Variants in HAT1 observed in about 807,000 individuals in gnomAD.
HAT1 encodes the protein histone acetyltransferase 1.
A neutral mutation model predicts 56.6 loss-of-function variants in HAT1; 20 were observed. The ratio of observed to expected loss-of-function variants is 0.35; its 90% CI spans 0.25 to 0.51. The LOEUF is 0.51. Among genes scored for constraint, HAT1 ranks in the 20% least tolerant of loss-of-function variants. The pLI is 0.95. For missense variants in HAT1, 408 were observed against 504.3 expected (o/e 0.81, Z 1.83); for synonymous variants, 146 against 165.5 (o/e 0.88, Z 0.91).
chr2:171,965,841 T>C lies in HAT1; in HGVS notation c.544T>C (p.Leu182=), dbSNP rs1344562058. 12 of 1,612,092 alleles carry C rather than the reference T, an allele frequency of 7.4e-6. No individual in the cohort carries two copies. The highest frequency in any genetic ancestry group is 1.3e-5 in the African/African-American group (1 of 74,998). ...REYHERLQTF[L]MWFIETASFI... is the part of the protein sequence containing the mutation. The stretch of plus-strand genomic sequence containing the variant: ...ATATCATGAAAGGCTTCAGACCTTT[T>C]TGATGTGGTTTATTGAAACTGCTAG... Residue 182 remains leucine, a synonymous_variant, in exon 6 of 11, where the codon TTG becomes CTG. Coordinates refer to ENST00000264108, the MANE Select transcript of HAT1 (RefSeq NM_003642.4).
chr2:171,924,917 A>C lies in HAT1; in HGVS notation c.8-620A>C, dbSNP rs553507914. 3.9e-5 allele frequency: 6 copies of C among 152,302 alleles called. No homozygotes were observed. The East Asian group carries it at 5.8e-4, about 15-fold the overall frequency. The allele number at this position is 152,302 out of a possible 1,614,324, so 9.4% of individuals were successfully genotyped here. ...TAATGAAAAAGACGACTTAGGTATAAATCCTAGCAGGTAATTTGTATTAGT... is the reference window on the plus strand; with the variant it reads ...TAATGAAAAAGACGACTTAGGTATACATCCTAGCAGGTAATTTGTATTAGT... On this transcript the variant is annotated intron_variant, in intron 1 of 10. Coordinates refer to ENST00000264108, the MANE Select transcript of HAT1 (RefSeq NM_003642.4).
intron 8 of HAT1, among the ~76,000 whole-genome samples, chr2:171,967,525 A>ACGACTTACT (rs565489325): frequency 2.0e-5 from 3 of 152,228 alleles, no homozygotes; most frequent in East Asian, 1.9e-4. Flanking sequence ...AGAAGGAAAG[A>ACGACTTACT]CGACTTACTC....
At chr2:171,983,073 G>T (rs1688172816) in intron 10 of HAT1, 112 bp from the exon 11 acceptor site, 6 of 591,982 alleles carry the variant, frequency 1.0e-5, no homozygotes, top group Admixed American at 3.1e-5. Flanking sequence ...TGTGGGACAA[G>T]TTTGGGCGTA....
At chr2:171,950,584 A>G (rs1574049239) in intron 3 of HAT1, among the ~76,000 whole-genome samples, 1 of 149,296 alleles carries the variant, frequency 6.7e-6, no homozygotes, top group South Asian at 2.1e-4. Context: ...GCTCACTGCA[A>G]CCTCCGCCTC....
chr2:171,961,145 A>T (rs1687564156), intron 4 of HAT1, among the ~76,000 whole-genome samples: 1 of 152,128 alleles, frequency 6.6e-6, no homozygotes, highest in Non-Finnish European at 1.5e-5. Context: ...CTGTCTCAAA[A>T]AACGAAAACA....
At chr2:171,929,489 A>C in intron 2 of HAT1, among the ~76,000 whole-genome samples, 1 of 152,086 alleles carries the variant, frequency 6.6e-6, no homozygotes, top group East Asian at 1.9e-4. Context: ...CAGTTTATTA[A>C]TTTTAAAAAT....
In HAT1 at chr2:171,972,274, G is replaced by A. The variant is rs567829714; in HGVS notation, c.824-3883G>A. On this transcript the variant is annotated intron_variant, in intron 8 of 10. Coordinates refer to ENST00000264108, the MANE Select transcript of HAT1 (RefSeq NM_003642.4). ...TTTTTTTGTTTTTTGGTGAGGTAGG[G>A]GTAGTGTTTGAGACAGGGTGTTGCT... Among the ~76,000 whole-genome samples the A allele has an allele frequency of 1.5e-4, 22 of 150,230 alleles. No individual in the cohort carries two copies. In the South Asian group the frequency reaches 4.2e-3, roughly 29 times the overall value.
At chr2:171,953,551 G>A (rs762956354) in intron 4 of HAT1, among the ~76,000 whole-genome samples, 18 of 144,116 alleles carry the variant, frequency 1.2e-4, no homozygotes, top group Non-Finnish European at 2.4e-4. Flanking sequence ...TTGAGCCCAG[G>A]AGCTTGAGGC....
intron 9 of HAT1, among the ~76,000 whole-genome samples, chr2:171,978,439 CT>C (rs1688043955): frequency 6.6e-6 from 1 of 152,174 alleles, no homozygotes; most frequent in Non-Finnish European, 1.5e-5. Context: ...CTTAACCAGC[CT>C]TATGGTTTTA....
rs150154898 is a variant in HAT1, at chr2:171,965,368, A to G, written c.340A>G (p.Ile114Val). The G allele has an allele frequency of 6.2e-7, 1 of 1,609,770 alleles. No homozygotes were observed. The highest frequency in any genetic ancestry group is 1.1e-5 in the South Asian group (1 of 90,298). Residue 114 changes from isoleucine to valine, a missense_variant, in exon 5 of 11, where the codon ATC (isoleucine) becomes GTC (valine). Transcript: ENST00000264108. ...TGATGTTGAGGGCAAAATTAGACAA[A>G]TCATTCCACCTGGATTTTGCACAAA... ...ADDVEGKIRQ[I>V]IPPGFCTNTN... is the part of the protein sequence containing the mutation.
chr2:171,926,743 C>T (rs1686604325), intron 2 of HAT1, among the ~76,000 whole-genome samples: 1 of 152,194 alleles, frequency 6.6e-6, no homozygotes, highest in Admixed American at 6.5e-5. Flanking sequence ...TTGACAGTTT[C>T]TTAAGAAGTT....
intron 8 of HAT1, among the ~76,000 whole-genome samples, chr2:171,967,906 A>G: frequency 2.1e-4 from 1 of 4,826 alleles, no homozygotes; most frequent in Admixed American, 2.8e-3. Context: ...CACCCCCACC[A>G]AAAAAAAAAT....
chr2:171,974,835 C>A (rs534582005), intron 8 of HAT1, among the ~76,000 whole-genome samples: 1 of 152,204 alleles, frequency 6.6e-6, no homozygotes, highest in East Asian at 1.9e-4. Flanking sequence ...TTGAATTTTT[C>A]TCATTTATTT....
At chr2:171,934,968 C>CTGGT (rs1384831988) in intron 2 of HAT1, among the ~76,000 whole-genome samples, 1 of 150,974 alleles carries the variant, frequency 6.6e-6, no homozygotes, top group Non-Finnish European at 1.5e-5. Context: ...GTTGGCCAGG[C>CTGGT]TGGTCTCAAA....
At chr2:171,938,958 CT>C (rs1353210938) in intron 2 of HAT1, among the ~76,000 whole-genome samples, 6 of 152,120 alleles carry the variant, frequency 3.9e-5, no homozygotes, top group African/African-American at 1.4e-4. Flanking sequence ...TCAGGCTGGT[CT>C]TGAACCCCTG....
At chr2:171,971,016 T>C (rs1687803353) in intron 8 of HAT1, among the ~76,000 whole-genome samples, 1 of 151,622 alleles carries the variant, frequency 6.6e-6, no homozygotes, top group Non-Finnish European at 1.5e-5. Flanking sequence ...TTGGCTAACA[T>C]GGTGAAACCC....
At chr2:171,978,943 A>T (rs2105348537) in intron 9 of HAT1, among the ~76,000 whole-genome samples, 1 of 151,020 alleles carries the variant, frequency 6.6e-6, no homozygotes, top group African/African-American at 2.4e-5. Context: ...AAAAAAAAAA[A>T]TAGCCGAGTG....
At chr2:171,956,300 T>G (rs1687444365) in intron 4 of HAT1, among the ~76,000 whole-genome samples, 1 of 149,080 alleles carries the variant, frequency 6.7e-6, no homozygotes, top group South Asian at 2.2e-4. Flanking sequence ...CTGGGCAGTA[T>G]GGCGAAAACC....
chr2:171,965,796 A>T lies in HAT1; in HGVS notation c.499A>T (p.Thr167Ser). The T allele has an allele frequency of 6.2e-7, 1 of 1,613,162 alleles. No homozygotes were observed. Among genetic ancestry groups the T allele is most frequent in the African/African-American group, 1.3e-5 (1 of 75,000 alleles). ...CTGGCTTTTTCCCTAGGCTGACATGACATGTAGAGGCTTTCGAGAATATCA... is the reference window on the plus strand; with the variant it reads ...CTGGCTTTTTCCCTAGGCTGACATGTCATGTAGAGGCTTTCGAGAATATCA... The part of the protein sequence containing the change: ...FTFQIYKADM[T>S]CRGFREYHER... The change falls in exon 6 of 11, where the codon ACA (threonine) becomes TCA (serine). Residue 167 changes from threonine to serine, a missense_variant. Physicochemically the swap from Thr to Ser is moderately conservative, Grantham distance 58. Transcript: ENST00000264108.
Sources: gnomAD v4.1 joint callset for allele counts (sites outside exome capture counted in the v4.1 genomes callset) on GRCh38, gnomAD v4.1.1 for gene constraint, MANE v1.5 for transcripts, NCBI Gene and HGNC (gene_info 2026-07-23, HGNC 2026-07-21) for gene names.